KALRN: variants seen among roughly 807,000 people sequenced by gnomAD.
KALRN encodes kalirin RhoGEF kinase, also known as kalirin.
Under a neutral mutation model 353.7 loss-of-function variants are expected in KALRN, and 70 were observed. The observed-to-expected ratio is 0.20, with a 90% CI of 0.16 to 0.24. The LOEUF is 0.24. KALRN is among the 10% of genes least tolerant of loss of function. KALRN has a pLI of 1.00. For synonymous variants in KALRN, 1,391 were observed against 1,434.8 expected (o/e 0.97, Z 0.69); for missense variants, 2,791 against 3,756.7 (o/e 0.74, Z 6.72).
intron 5 of KALRN, among the ~76,000 whole-genome samples, chr3:124,284,253 A>G (rs920073737): frequency 6.6e-6 from 1 of 152,180 alleles, no homozygotes; most frequent in East Asian, 1.9e-4. Context: ...AATCTGAGCT[A>G]TCACTCCCCT....
At chr3:124,137,779 G>C (rs1004683139) in intron 1 of KALRN, among the ~76,000 whole-genome samples, 1 of 152,158 alleles carries the variant, frequency 6.6e-6, no homozygotes, top group East Asian at 1.9e-4. Flanking sequence ...CTAGAGAAGG[G>C]AAAAGGCTAA....
chr3:124,193,506 C>G (rs574933069), intron 1 of KALRN, among the ~76,000 whole-genome samples: 2 of 151,678 alleles, frequency 1.3e-5, no homozygotes, highest in Non-Finnish European at 2.9e-5. Context: ...AAGATGTACT[C>G]TTTTAATATT....
At chr3:124,236,791 G>A (rs966505534) in intron 3 of KALRN, among the ~76,000 whole-genome samples, 2 of 152,370 alleles carry the variant, frequency 1.3e-5, no homozygotes, top group South Asian at 4.1e-4. Flanking sequence ...CATGAAAAAG[G>A]TGGAATAATA....
At chr3:124,399,921 C>T (rs1232991396) in intron 13 of KALRN, among the ~76,000 whole-genome samples, 1 of 152,136 alleles carries the variant, frequency 6.6e-6, no homozygotes, top group Non-Finnish European at 1.5e-5. Flanking sequence ...CAACATAAGG[C>T]ACTTTTTCCT....
In KALRN at chr3:124,317,648, C is replaced by T. The variant is rs61623589; in HGVS notation, c.1093-8332C>T. The stretch of plus-strand genomic sequence containing the variant: ...GAAAGTTGGGGAAGGGCCTGAAATA[C>T]TGTATTTCTAACAAGCTGCTAGGTG... On this transcript the variant is annotated intron_variant, in intron 6 of 59. Transcript: ENST00000682506. Among the ~76,000 whole-genome samples the T allele has an allele frequency of 5.9e-3, 782 of 132,842 alleles. 12 individuals are homozygous for T. Among genetic ancestry groups the T allele is most frequent in the African/African-American group, 0.021 (759 of 35,408 alleles). 87.1% of individuals were successfully genotyped at this position (132,842 alleles called of 152,430 possible).
chr3:124,392,766 A>G (rs2089612919), intron 11 of KALRN, among the ~76,000 whole-genome samples: 1 of 150,058 alleles, frequency 6.7e-6, no homozygotes, highest in Non-Finnish European at 1.5e-5. Context: ...CATCATGCCC[A>G]GCTAATTTTT....
intron 47 of KALRN, among the ~76,000 whole-genome samples, chr3:124,669,444 T>G (rs1236397596): frequency 6.6e-6 from 1 of 152,240 alleles, no homozygotes; most frequent in Non-Finnish European, 1.5e-5. Context: ...GCTGTCCATT[T>G]AGCTTATTTA....
chr3:124,116,596 C>T (rs1306375976), intron 1 of KALRN, among the ~76,000 whole-genome samples: 1 of 152,118 alleles, frequency 6.6e-6, no homozygotes, highest in East Asian at 1.9e-4. Flanking sequence ...AGTAGTTCCC[C>T]CTTATCTGAG....
intron 56 of KALRN, among the ~76,000 whole-genome samples, chr3:124,700,597 G>T (rs371779855): frequency 1.4e-3 from 213 of 152,148 alleles, no homozygotes; most frequent in African/African-American, 4.9e-3. Flanking sequence ...TACAAATAAG[G>T]TTCTTATTTT....
chr3:124,584,922 C>T, intron 34 of KALRN: 1 of 1,545,554 alleles, frequency 6.5e-7, no homozygotes, highest in Admixed American at 1.8e-5. Context: ...TGGCTGTCGG[C>T]GGCCTTGGTG....
At chr3:124,479,828 A>G (rs2061797467) in intron 27 of KALRN, among the ~76,000 whole-genome samples, 2 of 142,930 alleles carry the variant, frequency 1.4e-5, no homozygotes, top group South Asian at 2.2e-4. Flanking sequence ...GGTTCACGCC[A>G]TTCTCCCTCC....
intron 54 of KALRN, among the ~76,000 whole-genome samples, chr3:124,696,776 C>T (rs538594465): frequency 1.3e-5 from 2 of 152,306 alleles, no homozygotes; most frequent in South Asian, 4.1e-4. Flanking sequence ...TTACCATCAC[C>T]ACCATCCATC....
chr3:124,697,176 G>C (rs1010382144), intron 54 of KALRN, among the ~76,000 whole-genome samples: 9 of 152,218 alleles, frequency 5.9e-5, no homozygotes, highest in African/African-American at 2.2e-4. Context: ...AGGATTATAG[G>C]CGTCAGCCAG....
chr3:124,074,180 C>T (rs2060153487), intron 1 of KALRN, among the ~76,000 whole-genome samples: 1 of 151,888 alleles, frequency 6.6e-6, no homozygotes, highest in South Asian at 2.1e-4. Context: ...TGCTATATGC[C>T]CAAGACAGAG....
At position 124,697,583 on chromosome 3, in the gene KALRN, G is replaced by C. The variant is rs770783766; in HGVS notation, c.7700-10G>C. On this transcript the variant is annotated splice_polypyrimidine_tract_variant and intron_variant, in intron 54 of 59. Transcript: ENST00000682506. Reference sequence around the variant, plus strand: ...GAAATAGCACCTGATCCTGATTTCTGTCTCCATAGGTGTTCCAGCAGCCCC... The same window carrying C: ...GAAATAGCACCTGATCCTGATTTCTCTCTCCATAGGTGTTCCAGCAGCCCC... 21 of 1,577,918 alleles carry C rather than the reference G, an allele frequency of 1.3e-5. No individual in the cohort carries two copies. The highest frequency in any genetic ancestry group is 1.7e-5 in the Non-Finnish European group (20 of 1,165,346).
chr3:124,549,752 G>A lies in KALRN; in HGVS notation c.4936-13091G>A, dbSNP rs148169143. Among the ~76,000 whole-genome samples the A allele has an allele frequency of 2.6e-3, 389 of 152,220 alleles. 2 individuals are homozygous for A. The highest frequency in any genetic ancestry group is 8.9e-3 in the African/African-American group (368 of 41,530). On this transcript the variant is annotated intron_variant, in intron 33 of 59. Transcript: ENST00000682506. ...CTGTGAAAGAATGTGAGAGAGGTGG[G>A]GAATTGAGAGTTGTACTTGACCTCC...
At chr3:124,406,667 T>A (rs2091572872) in intron 13 of KALRN, among the ~76,000 whole-genome samples, 1 of 152,146 alleles carries the variant, frequency 6.6e-6, no homozygotes, top group Non-Finnish European at 1.5e-5. Flanking sequence ...TGAGATTGAA[T>A]CTTAACATAT....
intron 33 of KALRN, among the ~76,000 whole-genome samples, chr3:124,560,345 G>T (rs982806204): frequency 6.6e-6 from 1 of 152,270 alleles, no homozygotes; most frequent in African/African-American, 2.4e-5. Context: ...TGGCGTGGTC[G>T]CAGAGGAGCA....
chr3:124,634,540 C>T (rs548813278), intron 36 of KALRN, among the ~76,000 whole-genome samples: 69 of 152,296 alleles, frequency 4.5e-4, no homozygotes, highest in Non-Finnish European at 8.4e-4. Context: ...TTTGAAATAT[C>T]GATGCCCCCT....
Sources: allele counts gnomAD v4.1 joint callset (sites outside exome capture counted in the v4.1 genomes callset), GRCh38; gene constraint gnomAD v4.1.1; transcripts MANE v1.5; gene names NCBI Gene and HGNC (gene_info 2026-07-23, HGNC 2026-07-21).